XKR6: variants seen among roughly 807,000 people sequenced by gnomAD.
XKR6 encodes the protein XK related 6, also known as XK-related protein 6.
In XKR6, 22 loss-of-function variants were observed where a neutral mutation model predicts 56.7. The observed-to-expected ratio is 0.39, with a 90% CI of 0.28 to 0.55. The LOEUF (loss-of-function observed/expected upper bound fraction) is 0.55, where lower values mean the gene tolerates loss of function less well. XKR6 is among the 20% of genes least tolerant of loss of function. XKR6 has a pLI of 0.66. For missense variants in XKR6, 852 were observed against 889.0 expected (o/e 0.96, Z 0.53); for synonymous variants, 524 against 387.8 (o/e 1.35, Z -4.13).
intron 1 of XKR6, among the ~76,000 whole-genome samples, chr8:11,040,752 C>T (rs893260169): frequency 3.3e-5 from 5 of 152,138 alleles, no homozygotes; most frequent in African/African-American, 1.2e-4. Flanking sequence ...CCCCCCAAAC[C>T]CCCACCTCCT....
intron 1 of XKR6, among the ~76,000 whole-genome samples, chr8:11,119,114 C>A (rs1323035427): frequency 6.6e-6 from 1 of 152,016 alleles, no homozygotes; most frequent in East Asian, 1.9e-4. Flanking sequence ...TGTAGTTGAG[C>A]AGTTTTGAGT....
At chr8:11,137,563 A>G (rs1235993991) in intron 1 of XKR6, 3 of 456,306 alleles carry the variant, frequency 6.6e-6, no homozygotes, top group Non-Finnish European at 1.3e-5. Context: ...GTTCTGGAAG[A>G]AAAAGACAGC....
intron 1 of XKR6, among the ~76,000 whole-genome samples, chr8:11,038,512 T>TGA (rs1799203337): frequency 7.3e-6 from 1 of 137,742 alleles, no homozygotes; most frequent in Admixed American, 6.9e-5. Flanking sequence ...TGTGTGTGTG[T>TGA]GTGTGTGTGT....
intron 1 of XKR6, among the ~76,000 whole-genome samples, chr8:11,132,416 T>G (rs1433158808): frequency 6.6e-6 from 1 of 151,972 alleles, no homozygotes; most frequent in East Asian, 1.9e-4. Flanking sequence ...TGGAGTGTGG[T>G]GGTGCAATCT....
chr8:10,913,530 G>A (rs917163804), intron 2 of XKR6, among the ~76,000 whole-genome samples: 1 of 152,096 alleles, frequency 6.6e-6, no homozygotes, highest in African/African-American at 2.4e-5. Flanking sequence ...ATCGCTGTTG[G>A]GTGCTTCCTT....
intron 1 of XKR6, among the ~76,000 whole-genome samples, chr8:11,050,165 A>C (rs1236065748): frequency 6.6e-6 from 1 of 152,226 alleles, no homozygotes; most frequent in Non-Finnish European, 1.5e-5. Context: ...TAGCACACGG[A>C]GACACGCAGA....
chr8:11,168,776 C>A (rs1286590318), intron 1 of XKR6, among the ~76,000 whole-genome samples: 1 of 152,128 alleles, frequency 6.6e-6, no homozygotes, highest in Non-Finnish European at 1.5e-5. Flanking sequence ...AGGCTGCAGG[C>A]ACAGATAAGA....
chr8:11,019,601 C>T (rs1798704532), intron 1 of XKR6, among the ~76,000 whole-genome samples: 1 of 152,212 alleles, frequency 6.6e-6, no homozygotes, highest in Admixed American at 6.5e-5. Flanking sequence ...AGGCCCAGGT[C>T]TGGGCCCCAG....
Position 11,200,701 on chromosome 8 carries a change from G to A in XKR6, c.639C>T (p.His213=), listed in dbSNP as rs1185716890. Residue 213 remains histidine, a synonymous_variant, in exon 1 of 3, where the codon CAC becomes CAT. Transcript: ENST00000416569. The surrounding 1 kb of genome is among the most constrained non-coding windows in gnomAD (Gnocchi z 6.4). ...GPPMMGAGYV[H]GAARGGPGVR... is the part of the protein sequence containing the mutation. The stretch of plus-strand genomic sequence containing the variant: ...CGCCTGGGCCACCGCGGGCCGCGCC[G>A]TGGACGTAGCCGGCCCCCATCATGG... The A allele has an allele frequency of 2.5e-6, 4 of 1,574,232 alleles. No homozygotes were observed. The highest frequency in any genetic ancestry group is 1.1e-5 in the South Asian group (1 of 86,958).
intron 2 of XKR6, among the ~76,000 whole-genome samples, chr8:10,899,923 C>A (rs1028646505): frequency 1.3e-5 from 2 of 152,194 alleles, no homozygotes; most frequent in Non-Finnish European, 2.9e-5. Flanking sequence ...ACTGAAGTCT[C>A]CCCAAATCCA....
At chr8:10,914,871 C>A (rs1800510406) in intron 2 of XKR6, among the ~76,000 whole-genome samples, 1 of 152,240 alleles carries the variant, frequency 6.6e-6, no homozygotes. Flanking sequence ...TGGCTGCCCT[C>A]AGACACTGGG....
chr8:10,992,863 C>T (rs1186655495), intron 1 of XKR6, among the ~76,000 whole-genome samples: 2 of 152,230 alleles, frequency 1.3e-5, no homozygotes, highest in African/African-American at 4.8e-5. Flanking sequence ...ATGGATGTCT[C>T]CATGATCTCA....
intron 1 of XKR6, among the ~76,000 whole-genome samples, chr8:10,990,919 T>TC (rs1563331998): frequency 1.5e-4 from 21 of 143,596 alleles, no homozygotes; most frequent in African/African-American, 4.9e-4. Flanking sequence ...TTTTTTTTTT[T>TC]CGAGACAGAG....
At chr8:11,110,271 C>A (rs1206714053) in intron 1 of XKR6, among the ~76,000 whole-genome samples, 1 of 152,144 alleles carries the variant, frequency 6.6e-6, no homozygotes, top group African/African-American at 2.4e-5. Context: ...CTGCGCCTGG[C>A]CTTAAAAAAC....
intron 1 of XKR6, among the ~76,000 whole-genome samples, chr8:11,022,334 C>T (rs1045480210): frequency 1.3e-4 from 20 of 152,026 alleles, no homozygotes; most frequent in Non-Finnish European, 2.6e-4. Context: ...ATGGCCATTG[C>T]TAGGGGAGAG....
rs1460090063 is a variant in XKR6 at position 11,007,577 on chromosome 8, G to C, written c.765-82747C>G. Among the ~76,000 whole-genome samples the C allele has an allele frequency of 4.6e-5, 7 of 152,288 alleles. No homozygotes were observed. In the South Asian group the frequency reaches 1.2e-3, roughly 27 times the overall value. On this transcript the variant is annotated intron_variant, in intron 1 of 2. Coordinates refer to ENST00000416569, the MANE Select transcript of XKR6 (RefSeq NM_173683.4). ...ATACTGATGAGTCACGTGCAGCACA[G>C]ATTATGCCTGACCCACAGAGGAAGG...
chr8:10,900,559 GA>G (rs1323097156), intron 2 of XKR6, among the ~76,000 whole-genome samples: 15 of 152,188 alleles, frequency 9.9e-5, no homozygotes, highest in African/African-American at 3.1e-4. Flanking sequence ...ATGGAGATTT[GA>G]AACAAACAGG....
At chr8:10,962,652 G>A (rs1422426571) in intron 1 of XKR6, among the ~76,000 whole-genome samples, 4 of 151,962 alleles carry the variant, frequency 2.6e-5, no homozygotes, top group African/African-American at 7.2e-5. Context: ...TTGAGACAGA[G>A]TCTCACTCTG....
At chr8:11,137,652 G>A (rs539057061) in intron 1 of XKR6, 8 of 456,246 alleles carry the variant, frequency 1.8e-5, no homozygotes, top group South Asian at 1.2e-4. Flanking sequence ...CCATGCCATG[G>A]TGTGAGCAAT....
Sources: allele counts gnomAD v4.1 joint callset (sites outside exome capture counted in the v4.1 genomes callset), GRCh38; gene constraint gnomAD v4.1.1; non-coding constraint Gnocchi (gnomAD v3.1); transcripts MANE v1.5; gene names NCBI Gene and HGNC (gene_info 2026-07-23, HGNC 2026-07-21).